SIPA1L2: variants seen among roughly 807,000 people sequenced by gnomAD.
SIPA1L2 encodes the protein signal-induced proliferation-associated 1-like protein 2.
Under a neutral mutation model 163.9 loss-of-function variants are expected in SIPA1L2, and 56 were observed. The observed-to-expected ratio is 0.34, with a 90% CI of 0.28 to 0.43. SIPA1L2 has a LOEUF of 0.43. SIPA1L2 is among the 20% of genes least tolerant of loss of function. The pLI is 1.00. For synonymous variants in SIPA1L2, 877 were observed against 865.7 expected, an observed-to-expected ratio of 1.01 and a Z score of -0.23; for missense variants, 1,974 against 2,193.5, an observed-to-expected ratio of 0.90 and a Z score of 2.00.
rs754412341 is a variant in SIPA1L2, at chr1:232,399,084, C to CA, written c.*42dup. The CA allele has an allele frequency of 2.5e-6, 4 of 1,612,696 alleles. No individual in the cohort carries two copies. In the African/African-American group the frequency reaches 5.3e-5, roughly 22 times the overall value. ...CCACATGTTTGTGACTTCAAAGGGACAAGGGGCATTTCCCAGTGGTCCCTT... is the reference window on the plus strand; with the variant it reads ...CCACATGTTTGTGACTTCAAAGGGACAAAGGGGCATTTCCCAGTGGTCCCTT... On this transcript the variant is annotated 3_prime_UTR_variant, in exon 23 of 23. Transcript: ENST00000674635.
intron 1 of SIPA1L2, among the ~76,000 whole-genome samples, chr1:232,600,729 C>T (rs916620264): frequency 2.0e-5 from 3 of 152,224 alleles, no homozygotes; most frequent in African/African-American, 7.2e-5. Context: ...GACGCTCAGC[C>T]GGAGTGTGCT....
In SIPA1L2 at chr1:232,443,647, C is replaced by T. The variant is rs1663036891; in HGVS notation, c.3392G>A (p.Gly1131Glu). 1 of 1,609,760 alleles carries T rather than the reference C, an allele frequency of 6.2e-7. No homozygotes were observed. The highest frequency in any genetic ancestry group is 8.5e-7 in the Non-Finnish European group (1 of 1,178,132). Residue 1131 changes from glycine (G) to glutamate (E), a missense_variant, in exon 12 of 23, where the codon GGA (glycine) becomes GAA (glutamate). Around this residue, in one of 3 missense-constraint regions of SIPA1L2, gnomAD observed 1,079 missense variants for 1,150.7 expected, o/e 0.94. Coordinates refer to ENST00000674635, the MANE Select transcript of SIPA1L2 (RefSeq NM_020808.5). ...TCTCCAGGGTCCGCTCCCGCCGGGT[C>T]CAGGGTCGCTGGAGGATGACTGGTT... ...PSNQSSSSDPGPGGSGPWRPQ... is the reference protein window; with the variant it reads ...PSNQSSSSDPEPGGSGPWRPQ...
intron 1 of SIPA1L2, among the ~76,000 whole-genome samples, chr1:232,580,400 T>C (rs886847658): frequency 3.3e-5 from 5 of 152,224 alleles, no homozygotes; most frequent in African/African-American, 1.2e-4. Context: ...GCTGACCTCC[T>C]GTCTCATCCT....
At chr1:232,589,085 T>C (rs1162510907) in intron 1 of SIPA1L2, among the ~76,000 whole-genome samples, 1 of 152,124 alleles carries the variant, frequency 6.6e-6, no homozygotes, top group Non-Finnish European at 1.5e-5. Flanking sequence ...AACATTTAGG[T>C]GGCAGTTCCC....
At chr1:232,458,164 G>GAAAA (rs71727045) in intron 10 of SIPA1L2, among the ~76,000 whole-genome samples, 1 of 151,682 alleles carries the variant, frequency 6.6e-6, no homozygotes, top group African/African-American at 2.4e-5. Context: ...GATTAATTGG[G>GAAAA]AAAAAAAACC....
chr1:232,506,487 A>G (rs1016806953), intron 3 of SIPA1L2, among the ~76,000 whole-genome samples: 2 of 152,190 alleles, frequency 1.3e-5, no homozygotes, highest in African/African-American at 4.8e-5. Context: ...TTGACCTCCA[A>G]CTATAATTAA....
At chr1:232,572,535 A>T (rs1036306740) in intron 2 of SIPA1L2, among the ~76,000 whole-genome samples, 8 of 151,206 alleles carry the variant, frequency 5.3e-5, no homozygotes, top group Non-Finnish European at 1.2e-4. Flanking sequence ...TCTTGCAAGG[A>T]TTTTCACAAT....
rs1662914339 is a variant in SIPA1L2 at position 232,441,808 on chromosome 1, G to A, written c.3498C>T (p.Ala1166=). The A allele has an allele frequency of 1.9e-6, 3 of 1,613,782 alleles. No homozygotes were observed. The highest frequency in any genetic ancestry group is 1.3e-5 in the African/African-American group (1 of 74,908). ...QGSGPLECDG[A]REREDTMEAS... Reference sequence around the variant, plus strand: ...CTTCCATGGTGTCTTCCCTCTCCCTGGCTCCGTCACATTCCAAAGGGCCTG... The same window carrying A: ...CTTCCATGGTGTCTTCCCTCTCCCTAGCTCCGTCACATTCCAAAGGGCCTG... The change falls in exon 13 of 23, where the codon GCC becomes GCT. Residue 1166 remains alanine (A), a synonymous_variant. Coordinates refer to ENST00000674635, the MANE Select transcript of SIPA1L2 (RefSeq NM_020808.5).
intron 2 of SIPA1L2, among the ~76,000 whole-genome samples, chr1:232,531,098 C>T (rs558099087): frequency 1.6e-4 from 24 of 152,274 alleles, no homozygotes; most frequent in African/African-American, 5.5e-4. Flanking sequence ...CAAGCACTTT[C>T]TAAATGCCTT....
chr1:232,448,851 A>G (rs1159266577), intron 10 of SIPA1L2, among the ~76,000 whole-genome samples: 3 of 152,198 alleles, frequency 2.0e-5, no homozygotes, highest in Non-Finnish European at 4.4e-5. Flanking sequence ...GCAGTAACCT[A>G]TCCCCTACCA....
chr1:232,443,957 A>G (rs150693276), intron 11 of SIPA1L2, among the ~76,000 whole-genome samples: 1 of 152,328 alleles, frequency 6.6e-6, no homozygotes, highest in East Asian at 1.9e-4. Flanking sequence ...AGCACAGATA[A>G]TGACTCCCTC....
intron 10 of SIPA1L2, among the ~76,000 whole-genome samples, chr1:232,458,589 G>A (rs1664056666): frequency 6.6e-6 from 1 of 152,130 alleles, no homozygotes; most frequent in Non-Finnish European, 1.5e-5. Flanking sequence ...GAAGCGCAAG[G>A]TAACATTTTT....
intron 3 of SIPA1L2, among the ~76,000 whole-genome samples, chr1:232,506,846 G>A (rs1169609523): frequency 6.6e-6 from 1 of 152,136 alleles, no homozygotes; most frequent in African/African-American, 2.4e-5. Flanking sequence ...TAAAGAAATA[G>A]ATCATAATTT....
intron 15 of SIPA1L2, 118 bp downstream of exon 15, chr1:232,438,990 A>G: frequency 9.1e-7 from 1 of 1,099,334 alleles, no homozygotes; most frequent in South Asian, 2.2e-5. Flanking sequence ...CAGCTAGGAA[A>G]AATTACACCA....
At chr1:232,426,273 TAA>T (rs1309818966) in intron 17 of SIPA1L2, among the ~76,000 whole-genome samples, 1 of 152,118 alleles carries the variant, frequency 6.6e-6, no homozygotes, top group African/African-American at 2.4e-5. Context: ...TAAATAATAA[TAA>T]GACTAATTGT....
intron 2 of SIPA1L2, among the ~76,000 whole-genome samples, chr1:232,559,368 T>A (rs990556757): frequency 6.6e-5 from 10 of 152,234 alleles, no homozygotes; most frequent in Admixed American, 3.3e-4. Context: ...ACCCGGCATG[T>A]AGAGTGCTTT....
chr1:232,615,935 C>T (rs1446190904), intron 1 of SIPA1L2, among the ~76,000 whole-genome samples: 2 of 152,186 alleles, frequency 1.3e-5, no homozygotes, highest in East Asian at 3.8e-4. Context: ...AAATAGCTGA[C>T]GAATGAATAC....
intron 3 of SIPA1L2, among the ~76,000 whole-genome samples, chr1:232,507,046 T>C (rs981388991): frequency 6.6e-6 from 1 of 152,232 alleles, no homozygotes; most frequent in African/African-American, 2.4e-5. Flanking sequence ...TGTTATGTTA[T>C]TAACTAATGT....
intron 2 of SIPA1L2, among the ~76,000 whole-genome samples, chr1:232,566,169 GTTTGT>G (rs146872504): frequency 0.15 from 22,230 of 152,036 alleles, 1,711 homozygotes; most frequent in South Asian, 0.26. Flanking sequence ...AGATTTTTCT[GTTTGT>G]TTTGTTTTCT....
Sources: gnomAD v4.1 joint callset for allele counts (sites outside exome capture counted in the v4.1 genomes callset) on GRCh38, gnomAD v4.1.1 for gene constraint, gnomAD v4.1.1 regional missense constraint, MANE v1.5 for transcripts, NCBI Gene and HGNC (gene_info 2026-07-23, HGNC 2026-07-21) for gene names.